Variants in LARS2 observed in about 807,000 individuals in gnomAD.
LARS2 encodes leucine--tRNA ligase, mitochondrial.
A neutral mutation model predicts 116.6 loss-of-function variants in LARS2; 81 were observed. The observed-to-expected ratio is 0.69, with a 90% CI of 0.58 to 0.84. The LOEUF is 0.84. LARS2 is among the 40% of genes least tolerant of loss of function. The pLI is 0.00. For missense variants in LARS2, 968 were observed against 1,114.5 expected (o/e 0.87, Z 1.87); for synonymous variants, 396 against 407.2 (o/e 0.97, Z 0.33).
chr3:45,448,029 C>T (rs912126848), intron 7 of LARS2, among the ~76,000 whole-genome samples: 1 of 152,122 alleles, frequency 6.6e-6, no homozygotes, highest in Non-Finnish European at 1.5e-5. Context: ...AGGAGGATTG[C>T]TTGATGCCAG....
At chr3:45,394,095 G>C (rs779238581) in intron 2 of LARS2, among the ~76,000 whole-genome samples, 4 of 152,170 alleles carry the variant, frequency 2.6e-5, no homozygotes, top group Admixed American at 6.5e-5. Flanking sequence ...AAGCCTGCTG[G>C]AGAGTCCCTG....
intron 21 of LARS2, among the ~76,000 whole-genome samples, chr3:45,544,776 C>T (rs1700851924): frequency 6.6e-6 from 1 of 152,144 alleles, no homozygotes; most frequent in Admixed American, 6.5e-5. Flanking sequence ...TCAGAAAATA[C>T]GTTATGAGGA....
Position 45,491,752 on chromosome 3 carries a change from G to A in LARS2, c.1475G>A (p.Gly492Asp). The change falls in exon 13 of 22, where the codon GGC becomes GAC. Residue 492 changes from glycine to aspartate, a missense_variant. Physicochemically the swap from Gly to Asp is moderately conservative, Grantham distance 94. Coordinates refer to ENST00000645846, the MANE Select transcript of LARS2 (RefSeq NM_015340.4). ...PNIASFTGKG[G>D]PPLAMASEWV... is the part of the protein sequence containing the mutation. ...ATCGCGTCTTTCACTGGCAAGGGAG[G>A]CCCCCCACTGGCCATGGCTTCAGAG... is the stretch of plus-strand genomic sequence containing the variant. 1.2e-6 allele frequency: 2 copies of A among 1,613,866 alleles called. No individual in the cohort carries two copies. Among genetic ancestry groups the A allele is most frequent in the Non-Finnish European group, 1.7e-6 (2 of 1,179,820 alleles).
chr3:45,510,139 G>A (rs1271343434), intron 15 of LARS2, among the ~76,000 whole-genome samples: 1 of 152,066 alleles, frequency 6.6e-6, no homozygotes, highest in African/African-American at 2.4e-5. Context: ...AAGGCCAGGA[G>A]CAGTGGCTCA....
chr3:45,438,615 T>A (rs924894730), intron 6 of LARS2, among the ~76,000 whole-genome samples: 8 of 149,760 alleles, frequency 5.3e-5, no homozygotes. Context: ...GTCAGGAGTT[T>A]GAGACCAGCC....
chr3:45,529,756 T>C (rs1291656904), intron 20 of LARS2, among the ~76,000 whole-genome samples: 2 of 152,288 alleles, frequency 1.3e-5, no homozygotes, highest in East Asian at 3.9e-4. Flanking sequence ...TGATTCCAGA[T>C]GTTAAATATG....
chr3:45,481,535 A>G (rs186168593), intron 10 of LARS2, among the ~76,000 whole-genome samples: 1 of 152,306 alleles, frequency 6.6e-6, no homozygotes, highest in African/African-American at 2.4e-5. Flanking sequence ...CATTTTGATT[A>G]TGGTCATCCT....
chr3:45,527,650 T>G (rs2578673), intron 20 of LARS2, among the ~76,000 whole-genome samples: 1 of 151,836 alleles, frequency 6.6e-6, no homozygotes, highest in South Asian at 2.1e-4. Flanking sequence ...AATCTTATCT[T>G]TAGGGAGATA....
chr3:45,433,054 C>T (rs1321281298), intron 6 of LARS2, among the ~76,000 whole-genome samples: 1 of 151,972 alleles, frequency 6.6e-6, no homozygotes, highest in Admixed American at 6.6e-5. Context: ...CTTCTTTTAA[C>T]TTACTTCATC....
At chr3:45,491,028 C>T (rs1267454613) in intron 12 of LARS2, among the ~76,000 whole-genome samples, 2 of 152,086 alleles carry the variant, frequency 1.3e-5, no homozygotes, top group African/African-American at 4.8e-5. Flanking sequence ...GAATATTTTC[C>T]CCCCAACAGG....
chr3:45,402,467 T>G (rs1698169746), intron 4 of LARS2, among the ~76,000 whole-genome samples: 1 of 152,220 alleles, frequency 6.6e-6, no homozygotes, highest in African/African-American at 2.4e-5. Flanking sequence ...AAACATTTAC[T>G]GGAACCCCAG....
intron 20 of LARS2, among the ~76,000 whole-genome samples, chr3:45,537,330 T>G (rs1173186969): frequency 6.6e-6 from 1 of 152,228 alleles, no homozygotes; most frequent in Non-Finnish European, 1.5e-5. Context: ...TCTATTTTTC[T>G]TCATAAAATA....
At chr3:45,469,425 A>G (rs1559479191) in intron 8 of LARS2, among the ~76,000 whole-genome samples, 3 of 152,014 alleles carry the variant, frequency 2.0e-5, no homozygotes, top group Non-Finnish European at 2.9e-5. Flanking sequence ...GGCTCACTAG[A>G]ACCTCCGCCT....
intron 6 of LARS2, among the ~76,000 whole-genome samples, chr3:45,444,742 G>A (rs1381397094): frequency 2.7e-5 from 4 of 149,058 alleles, no homozygotes; most frequent in Admixed American, 1.3e-4. Context: ...CAGATTCATC[G>A]GCTTAGAGAA....
chr3:45,468,205 A>G (rs1210734272), intron 8 of LARS2, among the ~76,000 whole-genome samples: 2 of 152,306 alleles, frequency 1.3e-5, no homozygotes, highest in East Asian at 3.9e-4. Context: ...TGAGTGTCTT[A>G]GAAAGGGATG....
At chr3:45,489,622 G>C (rs747087888) in intron 12 of LARS2, among the ~76,000 whole-genome samples, 43 of 152,184 alleles carry the variant, frequency 2.8e-4, no homozygotes, top group Admixed American at 9.2e-4. Context: ...GGCATCACGT[G>C]TCTTAGATCC....
intron 4 of LARS2, among the ~76,000 whole-genome samples, chr3:45,403,858 G>A (rs1034932907): frequency 5.9e-5 from 9 of 152,090 alleles, no homozygotes; most frequent in Non-Finnish European, 1.2e-4. Flanking sequence ...CTAGCCAAGC[G>A]ACTCTACAGA....
At chr3:45,390,127 C>A (rs1228163470) in intron 1 of LARS2, among the ~76,000 whole-genome samples, 3 of 151,792 alleles carry the variant, frequency 2.0e-5, no homozygotes, top group Non-Finnish European at 2.9e-5. Flanking sequence ...TTCCCACCAG[C>A]AGTTGTTTAA....
intron 1 of LARS2, chr3:45,388,993 C>T (rs1289127172): frequency 6.6e-6 from 1 of 152,186 alleles, no homozygotes; most frequent in South Asian, 2.1e-4. Flanking sequence ...GGGGTTTGGA[C>T]CCAGTTGAAG....
Sources: allele counts gnomAD v4.1 joint callset (sites outside exome capture counted in the v4.1 genomes callset), GRCh38; gene constraint gnomAD v4.1.1; transcripts MANE v1.5; gene names NCBI Gene and HGNC (gene_info 2026-07-23, HGNC 2026-07-21).